RREB1: variants seen among roughly 807,000 people sequenced by gnomAD.
RREB1 encodes the protein ras responsive element binding protein 1, also known as ras-responsive element-binding protein 1.
Under a neutral mutation model 117.8 loss-of-function variants are expected in RREB1, and 27 were observed. The observed-to-expected ratio is 0.23, with a 90% CI of 0.17 to 0.32. The LOEUF is 0.32. Ranked by LOEUF, RREB1 falls within the 10% of genes least tolerant of loss-of-function variation. The probability of loss-of-function intolerance (pLI) is 1.00; values close to 1 mark genes in which losing one functional copy is unlikely to be tolerated. For synonymous variants in RREB1, 1,298 were observed against 1,026.7 expected (o/e 1.26, Z -5.05); for missense variants, 2,577 against 2,378.2 (o/e 1.08, Z -1.74).
In RREB1 at chr6:7,224,547, T is replaced by C. The variant is rs377697206; in HGVS notation, c.708-1920T>C. ...AGTGGGGGTGGGAGAAGGAAGGAGCTCTATCTCCAGGACAGAGGCTGTTGT... is the reference window on the plus strand; with the variant it reads ...AGTGGGGGTGGGAGAAGGAAGGAGCCCTATCTCCAGGACAGAGGCTGTTGT... On this transcript the variant is annotated intron_variant, in intron 8 of 12. Transcript: ENST00000379938. Among the ~76,000 whole-genome samples the C allele has an allele frequency of 1.1e-4, 16 of 152,118 alleles. 1 individual carries two copies. The South Asian group carries it at 2.3e-3, about 22-fold the overall frequency.
intron 8 of RREB1, among the ~76,000 whole-genome samples, chr6:7,226,063 A>C (rs1467111389): frequency 6.6e-6 from 1 of 152,198 alleles, no homozygotes; most frequent in African/African-American, 2.4e-5. Flanking sequence ...TCTGACTTTT[A>C]AACATTTACA....
At chr6:7,154,389 C>T (rs866075528) in intron 1 of RREB1, among the ~76,000 whole-genome samples, 2 of 152,198 alleles carry the variant, frequency 1.3e-5, no homozygotes, top group Admixed American at 6.5e-5. Context: ...AATGACTGCC[C>T]AGTGGGAGTA....
intron 6 of RREB1, 75 bp from the exon 7 acceptor site, chr6:7,210,729 A>G: frequency 7.2e-7 from 1 of 1,396,830 alleles, no homozygotes; most frequent in Non-Finnish European, 9.7e-7. Context: ...CCAGTGCCTA[A>G]ATATAAAATA....
intron 1 of RREB1, among the ~76,000 whole-genome samples, chr6:7,139,612 G>T (rs1483316113): frequency 6.6e-6 from 1 of 152,110 alleles, no homozygotes; most frequent in Non-Finnish European, 1.5e-5. Flanking sequence ...TAACTGAATT[G>T]GTTATTGATC....
At chr6:7,223,717 C>T (rs1306448795) in intron 8 of RREB1, among the ~76,000 whole-genome samples, 2 of 152,118 alleles carry the variant, frequency 1.3e-5, no homozygotes, top group African/African-American at 4.8e-5. Context: ...CATATACTAC[C>T]TACGTACACA....
chr6:7,117,042 T>G (rs914128092), intron 1 of RREB1, among the ~76,000 whole-genome samples: 26 of 152,154 alleles, frequency 1.7e-4, no homozygotes, highest in African/African-American at 6.3e-4. Flanking sequence ...TTAGCTTCTC[T>G]TTTTTCCATT....
At chr6:7,219,737 G>A (rs1274807727) in intron 8 of RREB1, among the ~76,000 whole-genome samples, 1 of 152,176 alleles carries the variant, frequency 6.6e-6, no homozygotes, top group African/African-American at 2.4e-5. Flanking sequence ...GCACATATCA[G>A]AGACTCTCTG....
chr6:7,205,271 A>G (rs554052288), intron 6 of RREB1, among the ~76,000 whole-genome samples: 1 of 152,274 alleles, frequency 6.6e-6, no homozygotes, highest in Non-Finnish European at 1.5e-5. Flanking sequence ...TTTTATTTGC[A>G]TGAAGCTCCC....
chr6:7,185,446 T>C (rs1765035848), intron 4 of RREB1, among the ~76,000 whole-genome samples: 2 of 152,134 alleles, frequency 1.3e-5, no homozygotes, highest in South Asian at 4.1e-4. Context: ...GGCGCACACC[T>C]GTAGTCCCAC....
At chr6:7,114,060 G>T (rs1761270902) in intron 1 of RREB1, among the ~76,000 whole-genome samples, 1 of 152,166 alleles carries the variant, frequency 6.6e-6, no homozygotes, top group East Asian at 1.9e-4. Context: ...TCAGATTGGG[G>T]AAATGCAGCA....
chr6:7,127,764 G>T (rs934331506), intron 1 of RREB1, among the ~76,000 whole-genome samples: 15 of 152,284 alleles, frequency 9.9e-5, no homozygotes, highest in Admixed American at 6.5e-4. Context: ...AATAGAATCT[G>T]TTCAAAAGGT....
intron 2 of RREB1, among the ~76,000 whole-genome samples, chr6:7,177,718 T>C (rs1489224393): frequency 6.6e-6 from 1 of 152,002 alleles, no homozygotes; most frequent in Non-Finnish European, 1.5e-5. Context: ...TTTTCTTTTC[T>C]TTTTCTGTCT....
At position 7,117,388 on chromosome 6, in the gene RREB1, G is replaced by GTTTTTTTTTTTTTTTTTTT. The variant is rs70978941; in HGVS notation, c.-285+9347_-285+9365dup. ...GGTGAACCATGTGAATAGGTTTCCT[G>GTTTTTTTTTTTTTTTTTTT]TTTTTTTTTTTTTTTTTTTTTTTTT... On this transcript the variant is annotated intron_variant, in intron 1 of 12. Coordinates refer to ENST00000379938, the MANE Select transcript of RREB1 (RefSeq NM_001003699.4). Among the ~76,000 whole-genome samples, 17 of 63,292 alleles carry GTTTTTTTTTTTTTTTTTTT rather than the reference G, an allele frequency of 2.7e-4. 1 individual carries two copies. The highest frequency in any genetic ancestry group is 3.5e-4 in the Non-Finnish European group (13 of 36,804). 41.5% of individuals were successfully genotyped at this position (63,292 alleles called of 152,430 possible). A position where few individuals can be genotyped will look rare whatever the true frequency, so the allele number is the denominator to read the frequency against.
At chr6:7,159,839 C>T (rs1431311498) in intron 1 of RREB1, among the ~76,000 whole-genome samples, 1 of 152,200 alleles carries the variant, frequency 6.6e-6, no homozygotes, top group Non-Finnish European at 1.5e-5. Context: ...AAAGGCTGAT[C>T]AAATTTATGG....
chr6:7,200,822 A>G (rs1481458318), intron 6 of RREB1, among the ~76,000 whole-genome samples: 1 of 152,200 alleles, frequency 6.6e-6, no homozygotes, highest in Admixed American at 6.5e-5. Flanking sequence ...CATTTGGCCA[A>G]CTGGATGCTA....
In RREB1 at chr6:7,211,995, C is replaced by T. The variant is rs138466782; in HGVS notation, c.707+286C>T. 3 of 400,788 alleles carry T rather than the reference C, an allele frequency of 7.5e-6. No individual in the cohort carries two copies. The East Asian group carries it at 1.4e-4, about 18-fold the overall frequency. 24.8% of individuals were successfully genotyped at this position (400,788 alleles called of 1,614,324 possible). A position where few individuals can be genotyped will look rare whatever the true frequency, so the allele number is the denominator to read the frequency against. On this transcript the variant is annotated intron_variant, in intron 8 of 12. Transcript: ENST00000379938. ...CCCTGAACACTGGGGAGTCTGCTAT[C>T]ATGGGTGTTCTTGGACAACAGATAG...
At chr6:7,204,560 C>T (rs1445125986) in intron 6 of RREB1, among the ~76,000 whole-genome samples, 4 of 152,120 alleles carry the variant, frequency 2.6e-5, no homozygotes, top group Admixed American at 1.3e-4. Flanking sequence ...GCACCAGGTA[C>T]GGATGGGGAT....
chr6:7,181,246 G>A lies in RREB1; in HGVS notation c.-43G>A, dbSNP rs1287187538. On this transcript the variant is annotated splice_region_variant and 5_prime_UTR_variant, in exon 3 of 13. Transcript: ENST00000379938. ...GTCTATCAGTGGGTCAGAAAATGGA[G>A]GTAATCAGCAGTGTGGCGGGAGGGT... 5.0e-6 allele frequency: 2 copies of A among 398,868 alleles called. No homozygotes were observed. The highest frequency in any genetic ancestry group is 8.8e-6 in the Non-Finnish European group (2 of 226,392). The allele number at this position is 398,868 out of a possible 1,614,324, so 24.7% of individuals were successfully genotyped here.
chr6:7,208,985 C>T (rs1220561157), intron 6 of RREB1, among the ~76,000 whole-genome samples: 5 of 152,160 alleles, frequency 3.3e-5, no homozygotes, highest in African/African-American at 1.2e-4. Flanking sequence ...GGCCTCCCTG[C>T]ACCTCAGCTG....
Sources: allele counts gnomAD v4.1 joint callset (sites outside exome capture counted in the v4.1 genomes callset), GRCh38; gene constraint gnomAD v4.1.1; transcripts MANE v1.5; gene names NCBI Gene and HGNC (gene_info 2026-07-23, HGNC 2026-07-21).